PRPSAP1: variants seen among roughly 807,000 people sequenced by gnomAD.
PRPSAP1 encodes the protein phosphoribosyl pyrophosphate synthase-associated protein 1.
Under a neutral mutation model 39.4 loss-of-function variants are expected in PRPSAP1, and 31 were observed. The ratio of observed to expected loss-of-function variants is 0.79; its 90% CI spans 0.59 to 1.06. The LOEUF (loss-of-function observed/expected upper bound fraction) is 1.06. Among genes scored for constraint, PRPSAP1 ranks in the 50% least tolerant of loss-of-function variants. The pLI is 0.00. For synonymous variants in PRPSAP1, 212 were observed against 192.6 expected (o/e 1.10, Z -0.83); for missense variants, 430 against 511.6 (o/e 0.84, Z 1.54).
chr17:76,330,622 G>C lies in PRPSAP1; in HGVS notation c.508C>G (p.Gln170Glu). Reference protein sequence around the residue: ...ITMDLHQKEIQGFFSFPVDNL... With the variant: ...ITMDLHQKEIEGFFSFPVDNL... ...TCCACAGGAAAGCTGAAAAAGCCTT[G>C]TATTTCCTTTTGATGAAGATCCATA... The change falls in exon 5 of 10, where the codon CAA becomes GAA. Residue 170 changes from glutamine to glutamate, a missense_variant. Gln to Glu is a conservative substitution (Grantham distance 29). Around this residue, in one of 2 missense-constraint regions of PRPSAP1, gnomAD observed 278 missense variants for 376.3 expected, o/e 0.74. Transcript: ENST00000446526. 10 of 1,613,188 alleles carry C rather than the reference G, an allele frequency of 6.2e-6. No individual in the cohort carries two copies. Among genetic ancestry groups the C allele is most frequent in the Non-Finnish European group, 7.6e-6 (9 of 1,179,430 alleles).
Position 76,329,955 on chromosome 17 carries a change from A to G in PRPSAP1, c.635+88T>C, listed in dbSNP as rs750886627. ...GAGAGCCAGTGGGCTTTCAAAGGCC[A>G]CGAGTGACAGCCTCTGGATTCCAAA... On this transcript the variant is annotated intron_variant, in intron 6 of 9. Coordinates refer to ENST00000446526, the MANE Select transcript of PRPSAP1 (RefSeq NM_002766.3). 67 of 1,310,654 alleles carry G rather than the reference A, an allele frequency of 5.1e-5. No homozygotes were observed. The Middle Eastern group carries it at 5.3e-3, about 104-fold the overall frequency. 81.2% of individuals were successfully genotyped at this position (1,310,654 alleles called of 1,614,324 possible). A position where few individuals can be genotyped will look rare whatever the true frequency, so the allele number is the denominator to read the frequency against.
rs574320006 is a variant in PRPSAP1, at chr17:76,316,464, G to C, written c.782-2573C>G. Among the ~76,000 whole-genome samples, 167 of 152,154 alleles carry C rather than the reference G, an allele frequency of 1.1e-3. 2 individuals carry two copies. The highest frequency in any genetic ancestry group is 0.011 in the Admixed American group (164 of 15,254). ...TGAATAAAAGTGAACACATAATCTG[G>C]TGGCTGCCACAAAACAGAGACAGAC... On this transcript the variant is annotated intron_variant, in intron 7 of 9. Coordinates refer to ENST00000446526, the MANE Select transcript of PRPSAP1 (RefSeq NM_002766.3).
chr17:76,353,418 G>A (rs750624348), intron 1 of PRPSAP1, 116 bp downstream of exon 1: 41 of 1,054,926 alleles, frequency 3.9e-5, no homozygotes, highest in Admixed American at 8.0e-5. Flanking sequence ...GGGAAGGCCC[G>A]CGCCTCCCGC....
intron 1 of PRPSAP1, among the ~76,000 whole-genome samples, chr17:76,349,992 C>T (rs148759612): frequency 1.3e-5 from 2 of 150,506 alleles, no homozygotes; most frequent in African/African-American, 2.4e-5. Flanking sequence ...AGCTGAGGCA[C>T]GAGAATCACT....
At chr17:76,334,376 T>G (rs1034248373) in intron 3 of PRPSAP1, among the ~76,000 whole-genome samples, 1 of 152,244 alleles carries the variant, frequency 6.6e-6, no homozygotes, top group Non-Finnish European at 1.5e-5. Flanking sequence ...GTTTGCTGAA[T>G]AGGTGGCTGA....
Position 76,309,702 on chromosome 17 carries a change from A to G in PRPSAP1, c.*1840T>C, listed in dbSNP as rs1168288724. On this transcript the variant is annotated 3_prime_UTR_variant, in exon 10 of 10. Coordinates refer to ENST00000446526, the MANE Select transcript of PRPSAP1 (RefSeq NM_002766.3). ...CACCATCTACACAGGATATTGCAGTAGGTATTACAAGTCATCCAGGATGTG... is the reference window on the plus strand; with the variant it reads ...CACCATCTACACAGGATATTGCAGTGGGTATTACAAGTCATCCAGGATGTG... 2 of 152,234 alleles carry G rather than the reference A, an allele frequency of 1.3e-5. No individual in the cohort carries two copies. The highest frequency in any genetic ancestry group is 2.9e-5 in the Non-Finnish European group (2 of 68,048). 9.4% of individuals were successfully genotyped at this position (152,234 alleles called of 1,614,324 possible). A position where few individuals can be genotyped will look rare whatever the true frequency, so the allele number is the denominator to read the frequency against.
chr17:76,334,298 GACACGT>G (rs1050680198), intron 3 of PRPSAP1, among the ~76,000 whole-genome samples: 1 of 152,202 alleles, frequency 6.6e-6, no homozygotes, highest in African/African-American at 2.4e-5. Flanking sequence ...GCTCTACACT[GACACGT>G]AGGTGATGCT....
intron 1 of PRPSAP1, chr17:76,353,235 C>G: frequency 2.8e-6 from 1 of 362,660 alleles, no homozygotes. Flanking sequence ...CTCCGGGGCT[C>G]CAGAAAGCTC....
At chr17:76,335,244 C>T (rs1382033604) in intron 3 of PRPSAP1, among the ~76,000 whole-genome samples, 1 of 152,166 alleles carries the variant, frequency 6.6e-6, no homozygotes, top group African/African-American at 2.4e-5. Context: ...CCACCACACC[C>T]AGGCTGGCTG....
At chr17:76,318,866 C>A (rs190017170) in intron 7 of PRPSAP1, among the ~76,000 whole-genome samples, 46 of 152,288 alleles carry the variant, frequency 3.0e-4, no homozygotes, top group Non-Finnish European at 5.6e-4. Flanking sequence ...AATAATCTCA[C>A]CACATAAAAT....
At chr17:76,321,453 A>G (rs1252824809) in intron 7 of PRPSAP1, among the ~76,000 whole-genome samples, 1 of 152,028 alleles carries the variant, frequency 6.6e-6, no homozygotes, top group Non-Finnish European at 1.5e-5. Flanking sequence ...AGGCAGGAGA[A>G]TTACTTGGAC....
intron 7 of PRPSAP1, among the ~76,000 whole-genome samples, chr17:76,326,476 A>C (rs756873449): frequency 6.6e-6 from 1 of 152,220 alleles, no homozygotes; most frequent in Non-Finnish European, 1.5e-5. Context: ...GCACATCACC[A>C]GTAATGGGAC....
intron 2 of PRPSAP1, chr17:76,346,052 G>C: frequency 2.4e-6 from 1 of 409,206 alleles, no homozygotes; most frequent in South Asian, 1.9e-5. Context: ...GACTCTATGG[G>C]AAGTGGAGAT....
intron 7 of PRPSAP1, among the ~76,000 whole-genome samples, chr17:76,326,962 A>T (rs903700592): frequency 2.0e-5 from 3 of 152,174 alleles, no homozygotes; most frequent in Admixed American, 1.3e-4. Flanking sequence ...ATAAATGTTA[A>T]ATTTGGGGAC....
At chr17:76,343,139 G>A (rs1458913187) in intron 3 of PRPSAP1, among the ~76,000 whole-genome samples, 1 of 152,214 alleles carries the variant, frequency 6.6e-6, no homozygotes, top group African/African-American at 2.4e-5. Flanking sequence ...AGCACTCAGT[G>A]CCATTCTTAT....
intron 3 of PRPSAP1, among the ~76,000 whole-genome samples, chr17:76,341,870 C>T (rs1259340147): frequency 3.3e-5 from 5 of 152,052 alleles, no homozygotes; most frequent in African/African-American, 1.2e-4. Context: ...ACTCGGGAGG[C>T]GGAGCTTGCA....
Position 76,313,847 on chromosome 17 carries a change from C to T in PRPSAP1, c.826G>A (p.Val276Ile). 1 of 1,614,220 alleles carries T rather than the reference C, an allele frequency of 6.2e-7. No individual in the cohort carries two copies. The highest frequency in any genetic ancestry group is 8.5e-7 in the Non-Finnish European group (1 of 1,180,038). The change falls in exon 8 of 10, where the codon GTT becomes ATT. Residue 276 changes from valine (V) to isoleucine (I), a missense_variant. Val to Ile is a conservative substitution (Grantham distance 29, BLOSUM62 3). This residue lies in a region of PRPSAP1 where 278 missense variants were observed against 376.3 expected (regional missense o/e 0.74). Coordinates refer to ENST00000446526, the MANE Select transcript of PRPSAP1 (RefSeq NM_002766.3). ...ACGATGATTGCGATGCGGCCTCCAA[C>T]ATCTCCAACTACAGTTATCGGTGGC... is the stretch of plus-strand genomic sequence containing the variant. ...EKPPITVVGD[V>I]GGRIAIIVDD...
intron 3 of PRPSAP1, among the ~76,000 whole-genome samples, chr17:76,342,282 G>A (rs890675076): frequency 3.3e-5 from 5 of 152,168 alleles, no homozygotes; most frequent in African/African-American, 1.2e-4. Context: ...GCAGCAGGAA[G>A]ACAAGACAAC....
chr17:76,347,688 T>G (rs1475630883), intron 2 of PRPSAP1, among the ~76,000 whole-genome samples: 5 of 151,946 alleles, frequency 3.3e-5, no homozygotes, highest in Non-Finnish European at 5.9e-5. Flanking sequence ...TCTACTTGTT[T>G]TAAAAAGACT....
Sources: gnomAD v4.1 joint callset for allele counts (sites outside exome capture counted in the v4.1 genomes callset) on GRCh38, gnomAD v4.1.1 for gene constraint, gnomAD v4.1.1 regional missense constraint, MANE v1.5 for transcripts, NCBI Gene and HGNC (gene_info 2026-07-23, HGNC 2026-07-21) for gene names.